The following HECA variants were observed in gnomAD, a reference collection of about 807,000 sequenced individuals.
The protein encoded by HECA is HECA ribonucleoprotein granule regulator.
Under a neutral mutation model 37.6 loss-of-function variants are expected in HECA, and 13 were observed. That is an observed-to-expected ratio of 0.35 (90% CI 0.23 to 0.55). The LOEUF (loss-of-function observed/expected upper bound fraction) is 0.55. Among genes scored for constraint, HECA ranks in the 20% least tolerant of loss-of-function variants. HECA has a pLI of 0.90. For synonymous variants in HECA, 307 were observed against 291.5 expected (o/e 1.05, Z -0.54); for missense variants, 527 against 701.9 (o/e 0.75, Z 2.82).
At chr6:139,138,915 T>C (rs961927146) in intron 1 of HECA, among the ~76,000 whole-genome samples, 3 of 152,250 alleles carry the variant, frequency 2.0e-5, no homozygotes, top group Non-Finnish European at 4.4e-5. Flanking sequence ...TATACAAGAT[T>C]ACCAATGGTT....
intron 2 of HECA, 94 bp downstream of exon 2, chr6:139,167,418 G>A: frequency 9.1e-7 from 1 of 1,100,524 alleles, no homozygotes; most frequent in Non-Finnish European, 1.3e-6. Flanking sequence ...GTTTTCACCA[G>A]TGTTGTTTTT....
intron 3 of HECA, among the ~76,000 whole-genome samples, chr6:139,174,953 G>GA (rs1358990083): frequency 6.6e-6 from 1 of 152,010 alleles, no homozygotes; most frequent in African/African-American, 2.4e-5. Context: ...ATTTCTAATA[G>GA]AAAAAATGTT....
intron 1 of HECA, among the ~76,000 whole-genome samples, chr6:139,136,793 C>T (rs575014863): frequency 3.3e-5 from 5 of 152,224 alleles, no homozygotes; most frequent in Middle Eastern, 3.4e-3. Context: ...CGCCACCACG[C>T]CCGGCTAATT....
intron 2 of HECA, among the ~76,000 whole-genome samples, chr6:139,173,196 T>A (rs1240483600): frequency 6.6e-6 from 1 of 152,226 alleles, no homozygotes; most frequent in Non-Finnish European, 1.5e-5. Flanking sequence ...TTTCAAGAAG[T>A]TCTTGTCATC....
chr6:139,180,110 G>A lies in HECA; in HGVS notation c.*3005G>A, dbSNP rs965300618. On this transcript the variant is annotated 3_prime_UTR_variant, in exon 4 of 4. Transcript: ENST00000367658. ...CATGGTGCCATGAAGTTGGGGAGTT[G>A]GGTGAATTATCCCATTCTAGTTACA... 2 of 152,082 alleles carry A rather than the reference G, an allele frequency of 1.3e-5. No homozygotes were observed. The highest frequency in any genetic ancestry group is 4.8e-5 in the African/African-American group (2 of 41,414). 9.4% of individuals were successfully genotyped at this position (152,082 alleles called of 1,614,324 possible). A position where few individuals can be genotyped will look rare whatever the true frequency, so the allele number is the denominator to read the frequency against.
rs1287151685 is a variant in HECA, at chr6:139,161,767, G to A, written c.272-4517G>A. 2.0e-5 allele frequency among the ~76,000 whole-genome samples: 3 copies of A among 152,324 alleles called. No individual in the cohort carries two copies. The East Asian group carries it at 5.8e-4, about 29-fold the overall frequency. ...ATTTGATTTTATTGGTCTTGGGTTA[G>A]TAAAATTTGGTTATTGTGGTTACAT... On this transcript the variant is annotated intron_variant, in intron 1 of 3. Coordinates refer to ENST00000367658, the MANE Select transcript of HECA (RefSeq NM_016217.3).
chr6:139,154,666 G>A (rs1384613266), intron 1 of HECA, among the ~76,000 whole-genome samples: 1 of 152,232 alleles, frequency 6.6e-6, no homozygotes, highest in African/African-American at 2.4e-5. Context: ...TGGGATTTCA[G>A]AGGTAAGGGG....
rs548280006 is a variant in HECA at position 139,166,327 on chromosome 6, G to C, written c.315G>C (p.Pro105=). The C allele has an allele frequency of 6.2e-7, 1 of 1,612,768 alleles. No individual in the cohort carries two copies. The highest frequency in any genetic ancestry group is 8.5e-7 in the Non-Finnish European group (1 of 1,179,016). Residue 105 remains proline (P), a synonymous_variant, in exon 2 of 4, where the codon CCG becomes CCC. Coordinates refer to ENST00000367658, the MANE Select transcript of HECA (RefSeq NM_016217.3). The stretch of plus-strand genomic sequence containing the variant: ...CCCTGATCTGCAGCTTCGGTAGGCC[G>C]GTGGACCTGGAGAAGGACGACTACC... ...ATPLICSFGR[P]VDLEKDDYQK... is the part of the protein sequence containing the mutation.
intron 1 of HECA, among the ~76,000 whole-genome samples, chr6:139,165,380 A>G (rs974691512): frequency 3.9e-5 from 6 of 152,318 alleles, no homozygotes; most frequent in Admixed American, 3.3e-4. Context: ...TACATATGTT[A>G]CAATTGATGA....
At chr6:139,172,077 C>G (rs1010368410) in intron 2 of HECA, among the ~76,000 whole-genome samples, 3 of 152,114 alleles carry the variant, frequency 2.0e-5, no homozygotes, top group Non-Finnish European at 4.4e-5. Flanking sequence ...GTGATCTACC[C>G]GCCTTGGCCT....
At chr6:139,153,707 C>A (rs1774680568) in intron 1 of HECA, among the ~76,000 whole-genome samples, 1 of 152,106 alleles carries the variant, frequency 6.6e-6, no homozygotes, top group Admixed American at 6.6e-5. Context: ...GTGGGAGCCA[C>A]CGCACCCGGC....
At chr6:139,152,485 A>T (rs1719678666) in intron 1 of HECA, among the ~76,000 whole-genome samples, 2 of 150,654 alleles carry the variant, frequency 1.3e-5, no homozygotes, top group South Asian at 4.3e-4. Context: ...TTGCCTGAGT[A>T]AAAGCTTTTC....
At chr6:139,165,522 A>AT in intron 1 of HECA, among the ~76,000 whole-genome samples, 1 of 151,212 alleles carries the variant, frequency 6.6e-6, no homozygotes, top group South Asian at 2.1e-4. Context: ...ACGGGAATAG[A>AT]TTCACTTCCC....
chr6:139,136,676 C>T (rs966411202), intron 1 of HECA, among the ~76,000 whole-genome samples: 3 of 151,606 alleles, frequency 2.0e-5, no homozygotes, highest in Admixed American at 6.6e-5. Flanking sequence ...GCAATTTCGC[C>T]CAGGCTGGAG....
chr6:139,156,705 G>A (rs1432298309), intron 1 of HECA, among the ~76,000 whole-genome samples: 1 of 152,246 alleles, frequency 6.6e-6, no homozygotes, highest in African/African-American at 2.4e-5. Context: ...CAGAAATACA[G>A]CACAATGACG....
intron 1 of HECA, chr6:139,155,492 T>G (rs1774700349): frequency 6.6e-6 from 1 of 152,244 alleles, no homozygotes; most frequent in East Asian, 1.9e-4. Context: ...AGTTCAGTTA[T>G]AATCTTATGG....
At chr6:139,167,934 G>C (rs1235532240) in intron 2 of HECA, among the ~76,000 whole-genome samples, 1 of 152,060 alleles carries the variant, frequency 6.6e-6, no homozygotes, top group African/African-American at 2.4e-5. Flanking sequence ...AATGACACGA[G>C]GTTGGTTAGT....
chr6:139,155,876 G>A (rs774444861), intron 1 of HECA: 4 of 152,090 alleles, frequency 2.6e-5, no homozygotes, highest in Admixed American at 1.3e-4. Context: ...ATTAATAAAA[G>A]CTTCACATTG....
intron 1 of HECA, among the ~76,000 whole-genome samples, chr6:139,139,471 A>G (rs1192872673): frequency 6.6e-6 from 1 of 152,228 alleles, no homozygotes; most frequent in African/African-American, 2.4e-5. Flanking sequence ...TTTGTCTTAG[A>G]TCCTGGAAAT....
Sources: allele counts gnomAD v4.1 joint callset (sites outside exome capture counted in the v4.1 genomes callset), GRCh38; gene constraint gnomAD v4.1.1; transcripts MANE v1.5; gene names NCBI Gene and HGNC (gene_info 2026-07-23, HGNC 2026-07-21).